The following ARIH1 variants were observed in gnomAD, a reference collection of about 807,000 sequenced individuals.
The protein encoded by ARIH1 is E3 ubiquitin-protein ligase ARIH1.
In ARIH1, 8 loss-of-function variants were observed where a neutral mutation model predicts 85.0. The observed-to-expected ratio is 0.09, with a 90% CI of 0.06 to 0.17. The LOEUF is 0.17. Among genes scored for constraint, ARIH1 ranks in the 10% least tolerant of loss-of-function variants. The probability of loss-of-function intolerance (pLI) is 1.00; values close to 1 mark genes in which losing one functional copy is unlikely to be tolerated. For synonymous variants in ARIH1, 238 were observed against 253.6 expected, an observed-to-expected ratio of 0.94 and a Z score of 0.59; for missense variants, 311 against 718.1, an observed-to-expected ratio of 0.43 and a Z score of 6.48.
intron 3 of ARIH1, among the ~76,000 whole-genome samples, chr15:72,554,739 T>C (rs953979679): frequency 1.3e-4 from 20 of 152,046 alleles, no homozygotes; most frequent in Non-Finnish European, 1.5e-4. Context: ...GGTGTCTTAC[T>C]GTGGTGTTGC....
At chr15:72,529,114 G>A (rs1356903495) in intron 2 of ARIH1, among the ~76,000 whole-genome samples, 1 of 152,086 alleles carries the variant, frequency 6.6e-6, no homozygotes, top group Non-Finnish European at 1.5e-5. Flanking sequence ...GCAGGAGAAT[G>A]GTGTGAACCC....
intron 2 of ARIH1, among the ~76,000 whole-genome samples, chr15:72,538,485 G>C (rs1217115774): frequency 6.6e-6 from 1 of 152,218 alleles, no homozygotes; most frequent in East Asian, 1.9e-4. Context: ...AATAGTTGTT[G>C]GTCTTTATGA....
rs540901128 is a variant in ARIH1 at position 72,482,840 on chromosome 15, T to TC, written c.375+7826_375+7827insC. ...GCTTGGTAGCAGTTCTCTCTCTCTC[T>TC]TTTTTTTTTTTTTTTTTAAAGACAG... On this transcript the variant is annotated intron_variant, in intron 1 of 13. Transcript: ENST00000379887. Among the ~76,000 whole-genome samples the TC allele has an allele frequency of 6.8e-3, 108 of 15,822 alleles. 1 individual carries two copies. The Middle Eastern group carries it at 0.5, about 73-fold the overall frequency. 10.4% of individuals were successfully genotyped at this position (15,822 alleles called of 152,430 possible).
At chr15:72,524,665 A>G (rs2064019236) in intron 2 of ARIH1, among the ~76,000 whole-genome samples, 1 of 152,244 alleles carries the variant, frequency 6.6e-6, no homozygotes, top group Non-Finnish European at 1.5e-5. Flanking sequence ...GGATGATTTT[A>G]TGGGTAAGTT....
chr15:72,589,589 A>G lies in ARIH1; in HGVS notation c.*6297A>G, dbSNP rs1001852964. 3.9e-5 allele frequency: 6 copies of G among 152,228 alleles called. No individual in the cohort carries two copies. The highest frequency in any genetic ancestry group is 2.1e-4 in the South Asian group (1 of 4,832). 9.4% of individuals were successfully genotyped at this position (152,228 alleles called of 1,614,324 possible). A position where few individuals can be genotyped will look rare whatever the true frequency, so the allele number is the denominator to read the frequency against. On this transcript the variant is annotated 3_prime_UTR_variant, in exon 14 of 14. Transcript: ENST00000379887. ...TTCCTGACACATGTAGACAGAACCAATCAGATCCATGGGGCAGGATCATCA... is the reference window on the plus strand; with the variant it reads ...TTCCTGACACATGTAGACAGAACCAGTCAGATCCATGGGGCAGGATCATCA...
chr15:72,555,409 G>A (rs1301588822), intron 4 of ARIH1, 46 bp downstream of exon 4: 1 of 1,392,460 alleles, frequency 7.2e-7, no homozygotes, highest in Non-Finnish European at 1.0e-6. Flanking sequence ...ATTTCCTATA[G>A]TGTTAAGACC....
At position 72,555,880 on chromosome 15, in the gene ARIH1, A is replaced by T; in HGVS notation, c.710A>T (p.Asp237Val). The part of the protein sequence containing the change: ...QTISCPAHGC[D>V]ILVDDNTVMR... ...ATTTCGTGTCCTGCTCATGGTTGTG[A>T]TATCTTAGTGGATGACAACACAGTT... Residue 237 changes from aspartate (D) to valine (V), a missense_variant, in exon 5 of 14, where the codon GAT becomes GTT. Physicochemically the swap from Asp to Val is radical, Grantham distance 152. Coordinates refer to ENST00000379887, the MANE Select transcript of ARIH1 (RefSeq NM_005744.5). 6.2e-7 allele frequency: 1 copy of T among 1,613,304 alleles called. No homozygotes were observed. Among genetic ancestry groups the T allele is most frequent in the Non-Finnish European group, 8.5e-7 (1 of 1,179,456 alleles).
chr15:72,539,671 A>G (rs1452746838), intron 2 of ARIH1, among the ~76,000 whole-genome samples: 1 of 152,198 alleles, frequency 6.6e-6, no homozygotes, highest in African/African-American at 2.4e-5. Flanking sequence ...TAATATCCAA[A>G]TGACATTTCA....
intron 2 of ARIH1, among the ~76,000 whole-genome samples, chr15:72,542,936 T>G (rs1181734465): frequency 6.6e-6 from 1 of 151,518 alleles, no homozygotes; most frequent in African/African-American, 2.4e-5. Flanking sequence ...TCTTTTTTTT[T>G]TTTTTTAAAT....
intron 2 of ARIH1, among the ~76,000 whole-genome samples, chr15:72,532,812 C>T (rs2064063574): frequency 6.6e-6 from 1 of 152,234 alleles, no homozygotes; most frequent in Admixed American, 6.5e-5. Context: ...AACAATTCAG[C>T]ATGATTGGTC....
intron 1 of ARIH1, among the ~76,000 whole-genome samples, chr15:72,509,342 A>C (rs1038985724): frequency 1.3e-5 from 2 of 152,050 alleles, no homozygotes; most frequent in African/African-American, 4.8e-5. Context: ...TGCAGGCTAG[A>C]TTACGTTTAT....
rs2064347523 is a variant in ARIH1 at position 72,592,593 on chromosome 15, AG to A, written c.*9302del. 6.6e-6 allele frequency: 1 copy of A among 152,168 alleles called. No individual in the cohort carries two copies. Among genetic ancestry groups the A allele is most frequent in the Non-Finnish European group, 1.5e-5 (1 of 68,020 alleles). 9.4% of individuals were successfully genotyped at this position (152,168 alleles called of 1,614,324 possible). On this transcript the variant is annotated 3_prime_UTR_variant, in exon 14 of 14. Coordinates refer to ENST00000379887, the MANE Select transcript of ARIH1 (RefSeq NM_005744.5). ...TCACCCCTGAGCACCTCCCCACTCC[AG>A]TGATCACTTCTTGATTTTTATCACT... is the stretch of plus-strand genomic sequence containing the variant.
intron 1 of ARIH1, among the ~76,000 whole-genome samples, chr15:72,495,265 G>A (rs1014886867): frequency 2.0e-5 from 3 of 152,180 alleles, no homozygotes; most frequent in African/African-American, 4.8e-5. Context: ...TTCTTTTTAG[G>A]GTGATGAAAT....
rs1268137708 is a variant in ARIH1 at position 72,599,756 on chromosome 15, G to A, written c.*16464G>A. The A allele has an allele frequency of 6.6e-6, 1 of 152,132 alleles. No individual in the cohort carries two copies. Among genetic ancestry groups the A allele is most frequent in the East Asian group, 1.9e-4 (1 of 5,204 alleles). The allele number at this position is 152,132 out of a possible 1,614,324, so 9.4% of individuals were successfully genotyped here. Reference sequence around the variant, plus strand: ...CAGGCTGCATAATATGTCTTAATATGGATGTATCTTAGTTTATTTAAACAG... The same window carrying A: ...CAGGCTGCATAATATGTCTTAATATAGATGTATCTTAGTTTATTTAAACAG... On this transcript the variant is annotated 3_prime_UTR_variant, in exon 14 of 14. Coordinates refer to ENST00000379887, the MANE Select transcript of ARIH1 (RefSeq NM_005744.5).
intron 1 of ARIH1, among the ~76,000 whole-genome samples, chr15:72,506,980 T>TTATG (rs72006883): frequency 0.01 from 1,537 of 150,092 alleles, 22 homozygotes; most frequent in African/African-American, 0.036. Flanking sequence ...GTGATTATTT[T>TTATG]TATGTATGTA....
intron 2 of ARIH1, among the ~76,000 whole-genome samples, chr15:72,524,708 C>G (rs919611466): frequency 6.6e-6 from 1 of 152,150 alleles, no homozygotes; most frequent in Non-Finnish European, 1.5e-5. Context: ...ACTGCCAGTT[C>G]CTGTAGAAAA....
intron 1 of ARIH1, among the ~76,000 whole-genome samples, chr15:72,495,689 G>A (rs2063877133): frequency 6.6e-6 from 1 of 152,062 alleles, no homozygotes; most frequent in Non-Finnish European, 1.5e-5. Context: ...TTCTTTCATG[G>A]CTGTAAGCTC....
intron 3 of ARIH1, among the ~76,000 whole-genome samples, chr15:72,548,637 A>G (rs868400027): frequency 3.9e-4 from 60 of 152,322 alleles, no homozygotes; most frequent in African/African-American, 1.3e-3. Context: ...TCCTTTCCTC[A>G]TAATTTTTAG....
chr15:72,571,805 A>G (rs2064248620), intron 10 of ARIH1, among the ~76,000 whole-genome samples: 2 of 152,170 alleles, frequency 1.3e-5, no homozygotes, highest in African/African-American at 2.4e-5. Flanking sequence ...TCTAATAATG[A>G]TAGGTGAGCT....
Sources: gnomAD v4.1 joint callset for allele counts (sites outside exome capture counted in the v4.1 genomes callset) on GRCh38, gnomAD v4.1.1 for gene constraint, MANE v1.5 for transcripts, NCBI Gene and HGNC (gene_info 2026-07-23, HGNC 2026-07-21) for gene names.